NDC1: variants seen among roughly 807,000 people sequenced by gnomAD.
NDC1 encodes the protein NDC1 transmembrane nucleoporin.
In NDC1, 24 loss-of-function variants were observed where a neutral mutation model predicts 89.8. The observed-to-expected ratio is 0.27, with a 90% CI of 0.19 to 0.38. NDC1 has a LOEUF of 0.38. Among genes scored for constraint, NDC1 ranks in the 10% least tolerant of loss-of-function variants. NDC1 has a pLI of 1.00. For missense variants in NDC1, 728 were observed against 797.6 expected, an observed-to-expected ratio of 0.91 and a Z score of 1.05; for synonymous variants, 296 against 284.8, an observed-to-expected ratio of 1.04 and a Z score of -0.39.
intron 16 of NDC1, among the ~76,000 whole-genome samples, chr1:53,786,297 T>C (rs758281259): frequency 6.6e-6 from 1 of 152,138 alleles, no homozygotes; most frequent in Admixed American, 6.5e-5. Flanking sequence ...ACTAATATTA[T>C]AAGGTGACAT....
intron 16 of NDC1, among the ~76,000 whole-genome samples, chr1:53,778,288 C>CAT (rs1414260350): frequency 1.3e-5 from 2 of 151,920 alleles, no homozygotes; most frequent in Non-Finnish European, 2.9e-5. Context: ...CACACACACA[C>CAT]ACACACACTG....
intron 5 of NDC1, among the ~76,000 whole-genome samples, chr1:53,822,657 A>G (rs895526001): frequency 1.3e-5 from 2 of 151,908 alleles, no homozygotes; most frequent in Non-Finnish European, 2.9e-5. Flanking sequence ...GAAACATTCA[A>G]TTTATCAATA....
At chr1:53,803,579 T>TTTTTC (rs1203861696) in intron 10 of NDC1, among the ~76,000 whole-genome samples, 1 of 152,046 alleles carries the variant, frequency 6.6e-6, no homozygotes, top group African/African-American at 2.4e-5. Flanking sequence ...ATTAATTTTT[T>TTTTTC]TTTTCTTTTT....
At chr1:53,800,616 C>A (rs550350095) in intron 11 of NDC1, 77 bp downstream of exon 11, 1 of 1,521,146 alleles carries the variant, frequency 6.6e-7, no homozygotes, top group African/African-American at 1.4e-5. Flanking sequence ...TGAGCCACAG[C>A]GCCCAGTCTA....
chr1:53,824,396 C>G (rs535608222), intron 5 of NDC1, among the ~76,000 whole-genome samples: 109 of 152,142 alleles, frequency 7.2e-4, no homozygotes, highest in African/African-American at 2.6e-3. Context: ...GCCAATGTGC[C>G]CAGCCAAAAA....
At chr1:53,805,660 A>T (rs1400039524) in intron 9 of NDC1, among the ~76,000 whole-genome samples, 1 of 152,256 alleles carries the variant, frequency 6.6e-6, no homozygotes, top group Admixed American at 6.5e-5. Context: ...TAGGGTCATT[A>T]CCAGCAATTC....
At position 53,772,346 on chromosome 1, in the gene NDC1, T is replaced by C. The variant is rs1377313979; in HGVS notation, c.1944A>G (p.Thr648=). 1 of 1,613,692 alleles carries C rather than the reference T, an allele frequency of 6.2e-7. No homozygotes were observed. The highest frequency in any genetic ancestry group is 8.5e-7 in the Non-Finnish European group (1 of 1,179,730). ...LKTAIYRITT[T]FGEHLNAVQA... ...AAACTTACTTCAGATGTTCACCAAA[T>C]GTAGTAGTTATTCGATAGATGGCAG... The change falls in exon 17 of 18, where the codon ACA becomes ACG. Residue 648 remains threonine, a synonymous_variant. Transcript: ENST00000371429.
intron 5 of NDC1, among the ~76,000 whole-genome samples, chr1:53,825,314 A>G (rs1362414101): frequency 6.6e-6 from 1 of 151,948 alleles, no homozygotes; most frequent in Non-Finnish European, 1.5e-5. Context: ...CGTCACTACT[A>G]AAAACACAAA....
At chr1:53,780,350 A>C (rs1230976359) in intron 16 of NDC1, among the ~76,000 whole-genome samples, 4 of 152,208 alleles carry the variant, frequency 2.6e-5, no homozygotes, top group Non-Finnish European at 5.9e-5. Context: ...CTGGGATTAC[A>C]GGCGTGAGCC....
intron 3 of NDC1, 95 bp from the exon 4 acceptor site, chr1:53,828,268 A>G (rs1213922422): frequency 2.6e-6 from 3 of 1,154,760 alleles, no homozygotes; most frequent in African/African-American, 3.1e-5. Flanking sequence ...CAAATGTTCC[A>G]AAGGCAGAGA....
intron 17 of NDC1, among the ~76,000 whole-genome samples, chr1:53,770,158 G>C (rs990331585): frequency 3.3e-5 from 5 of 151,784 alleles, no homozygotes; most frequent in African/African-American, 1.2e-4. Flanking sequence ...AAGAAACTAA[G>C]GTGGAATTTC....
intron 7 of NDC1, among the ~76,000 whole-genome samples, chr1:53,808,949 A>G (rs1377701743): frequency 6.6e-6 from 1 of 152,264 alleles, no homozygotes; most frequent in Non-Finnish European, 1.5e-5. Flanking sequence ...ACAGTGGAAT[A>G]TACAATAAGA....
chr1:53,770,437 G>T (rs1647103015), intron 17 of NDC1, among the ~76,000 whole-genome samples: 1 of 151,996 alleles, frequency 6.6e-6, no homozygotes, highest in African/African-American at 2.4e-5. Context: ...CTCTGGAGTA[G>T]CTGGGATTAT....
At chr1:53,798,746 C>T (rs532426986) in intron 11 of NDC1, among the ~76,000 whole-genome samples, 14 of 151,840 alleles carry the variant, frequency 9.2e-5, no homozygotes, top group African/African-American at 2.2e-4. Flanking sequence ...GTAAAGACGG[C>T]GTTTCGCCAT....
At chr1:53,820,904 C>T (rs1049257899) in intron 5 of NDC1, among the ~76,000 whole-genome samples, 4 of 151,156 alleles carry the variant, frequency 2.6e-5, no homozygotes, top group Non-Finnish European at 4.4e-5. Flanking sequence ...TGGGGTTTTG[C>T]CATATTGCCC....
chr1:53,804,908 T>G (rs1409965040), intron 9 of NDC1, among the ~76,000 whole-genome samples: 2 of 152,164 alleles, frequency 1.3e-5, no homozygotes, highest in African/African-American at 2.4e-5. Context: ...GAGGTCCCAA[T>G]GTATTTGCCA....
Position 53,828,033 on chromosome 1 carries a change from T to C in NDC1, c.421A>G (p.Ser141Gly). The C allele has an allele frequency of 1.9e-6, 3 of 1,613,434 alleles. No individual in the cohort carries two copies. The highest frequency in any genetic ancestry group is 2.5e-6 in the Non-Finnish European group (3 of 1,179,614). The change falls in exon 4 of 18, where the codon AGC (serine) becomes GGC (glycine). Residue 141 changes from serine to glycine, a missense_variant. Transcript: ENST00000371429. Reference protein sequence around the residue: ...CAAVITQGQYSFLVVPCTGTN... With the variant: ...CAAVITQGQYGFLVVPCTGTN... ...CCAGTGCAGGGAACCACAAGAAAGC[T>C]GTACTGGCCCTGGGTTATCACTGCA...
intron 3 of NDC1, among the ~76,000 whole-genome samples, chr1:53,830,015 G>T (rs1649000637): frequency 6.6e-6 from 1 of 151,954 alleles, no homozygotes; most frequent in African/African-American, 2.4e-5. Flanking sequence ...GACGGGCGAG[G>T]TGGCAGGCAA....
At chr1:53,773,095 CAAA>C (rs1210784686) in intron 16 of NDC1, among the ~76,000 whole-genome samples, 5 of 64,412 alleles carry the variant, frequency 7.8e-5, no homozygotes, top group Admixed American at 1.7e-4. Flanking sequence ...AAGACCTCAG[CAAA>C]AAAAAAAAAA....
Sources: allele counts gnomAD v4.1 joint callset (sites outside exome capture counted in the v4.1 genomes callset), GRCh38; gene constraint gnomAD v4.1.1; transcripts MANE v1.5; gene names NCBI Gene and HGNC (gene_info 2026-07-23, HGNC 2026-07-21).